The following TNFSF4 variants were observed in gnomAD, a reference collection of about 807,000 sequenced individuals.
TNFSF4 encodes the protein TNF superfamily member 4.
TNFSF4 carries 4 observed loss-of-function variants against 7.3 expected under a neutral mutation model. That is an observed-to-expected ratio of 0.55 (90% CI 0.27 to 1.25). The LOEUF (loss-of-function observed/expected upper bound fraction) is 1.25, where lower values mean the gene tolerates loss of function less well. Among genes scored for constraint, TNFSF4 ranks in the 50% most tolerant of loss-of-function variants. The pLI is 0.12. For synonymous variants in TNFSF4, 76 were observed against 83.7 expected (o/e 0.91, Z 0.50); for missense variants, 181 against 208.8 (o/e 0.87, Z 0.82).
the TNFSF4 span, among the ~76,000 whole-genome samples, chr1:173,307,503 G>C: frequency 6.6e-6 from 1 of 151,704 alleles, no homozygotes; most frequent in Non-Finnish European, 1.5e-5. Flanking sequence ...AATGGATTCT[G>C]GCTTTGGAAA....
At chr1:173,399,748 C>T in the TNFSF4 span, among the ~76,000 whole-genome samples, 5 of 152,200 alleles carry the variant, frequency 3.3e-5, no homozygotes, top group African/African-American at 4.8e-5. Flanking sequence ...CCCCAACCAC[C>T]CCTGTCATCA....
rs935866312 is a variant in TNFSF4, at chr1:173,186,448, C to G, written c.*68G>C. 2 of 1,336,434 alleles carry G rather than the reference C, an allele frequency of 1.5e-6. No individual in the cohort carries two copies. Among genetic ancestry groups the G allele is most frequent in the African/African-American group, 1.5e-5 (1 of 68,878 alleles). The allele number at this position is 1,336,434 out of a possible 1,614,324, so 82.8% of individuals were successfully genotyped here. A position where few individuals can be genotyped will look rare whatever the true frequency, so the allele number is the denominator to read the frequency against. ...GGCTCCTTCACTTGCAATGAAGAAT[C>G]CATGCCCTGTCCACCCCCAGCTTGG... On this transcript the variant is annotated 3_prime_UTR_variant, in exon 3 of 3. Transcript: ENST00000281834.
the TNFSF4 span, among the ~76,000 whole-genome samples, chr1:173,341,820 C>T: frequency 3.3e-5 from 5 of 152,072 alleles, no homozygotes; most frequent in African/African-American, 9.7e-5. Flanking sequence ...TTGCTCTGTG[C>T]TGCATTGCAG....
chr1:173,390,342 C>G, the TNFSF4 span, among the ~76,000 whole-genome samples: 1 of 152,144 alleles, frequency 6.6e-6, no homozygotes, highest in Admixed American at 6.5e-5. Context: ...AACCTAAGGC[C>G]TTAGAAAGCC....
the TNFSF4 span, among the ~76,000 whole-genome samples, chr1:173,417,328 T>C: frequency 2.0e-5 from 3 of 152,234 alleles, no homozygotes; most frequent in Non-Finnish European, 4.4e-5. Flanking sequence ...GTTGATGTTA[T>C]GAGGTAACAA....
the TNFSF4 span, among the ~76,000 whole-genome samples, chr1:173,353,268 T>C: frequency 6.6e-6 from 1 of 152,174 alleles, no homozygotes; most frequent in Non-Finnish European, 1.5e-5. Flanking sequence ...ATCCACGAAA[T>C]CTTCATGATT....
chr1:173,392,249 T>A, the TNFSF4 span, among the ~76,000 whole-genome samples: 1 of 152,220 alleles, frequency 6.6e-6, no homozygotes. Flanking sequence ...AGAATTAGTT[T>A]AAGTATTAAA....
At chr1:173,343,567 G>T in the TNFSF4 span, among the ~76,000 whole-genome samples, 1 of 152,184 alleles carries the variant, frequency 6.6e-6, no homozygotes. Context: ...TCAACTGATT[G>T]TTCAAGATCT....
chr1:173,242,057 T>C, the TNFSF4 span, among the ~76,000 whole-genome samples: 2 of 152,214 alleles, frequency 1.3e-5, no homozygotes, highest in African/African-American at 4.8e-5. Context: ...GCTTAGAGTT[T>C]CACAATGAGA....
chr1:173,272,675 G>A, the TNFSF4 span, among the ~76,000 whole-genome samples: 1 of 152,008 alleles, frequency 6.6e-6, no homozygotes, highest in South Asian at 2.1e-4. Context: ...ATTGTTCTTT[G>A]GCCTTCCAGA....
chr1:173,380,391 C>A, the TNFSF4 span, among the ~76,000 whole-genome samples: 10 of 152,126 alleles, frequency 6.6e-5, no homozygotes, highest in South Asian at 2.1e-4. Context: ...AAAATGCCCA[C>A]CCAGTCCAAA....
At chr1:173,316,569 G>T in the TNFSF4 span, among the ~76,000 whole-genome samples, 1 of 151,818 alleles carries the variant, frequency 6.6e-6, no homozygotes, top group African/African-American at 2.4e-5. Context: ...ATCTATCAAG[G>T]ATTTATTATA....
At chr1:173,206,958 T>C in intron 1 of TNFSF4, 66 bp downstream of exon 1, 1 of 1,513,298 alleles carries the variant, frequency 6.6e-7, no homozygotes, top group Non-Finnish European at 8.9e-7. Context: ...AAGCGACTGT[T>C]TGCAGCTGTT....
chr1:173,345,075 T>C, the TNFSF4 span, among the ~76,000 whole-genome samples: 1 of 152,218 alleles, frequency 6.6e-6, no homozygotes, highest in Non-Finnish European at 1.5e-5. Flanking sequence ...AAACATACTA[T>C]TTGAATGTAG....
chr1:173,337,294 A>C, the TNFSF4 span, among the ~76,000 whole-genome samples: 3 of 152,136 alleles, frequency 2.0e-5, no homozygotes, highest in Non-Finnish European at 4.4e-5. Flanking sequence ...CCACCAAGTT[A>C]CCATGAAATC....
chr1:173,206,270 A>C (rs1650186131), intron 1 of TNFSF4, among the ~76,000 whole-genome samples: 1 of 152,238 alleles, frequency 6.6e-6, no homozygotes, highest in Non-Finnish European at 1.5e-5. Context: ...ATGTTTGTAT[A>C]TCTGAACTAC....
the TNFSF4 span, among the ~76,000 whole-genome samples, chr1:173,276,267 C>T: frequency 6.6e-6 from 1 of 152,054 alleles, no homozygotes; most frequent in Non-Finnish European, 1.5e-5. Context: ...TTCTGTAATG[C>T]CACTGCCCAG....
chr1:173,228,294 T>C, the TNFSF4 span, among the ~76,000 whole-genome samples: 9 of 152,248 alleles, frequency 5.9e-5, no homozygotes, highest in African/African-American at 2.2e-4. Flanking sequence ...CTGCAGCCTC[T>C]GCTGGTGATA....
the TNFSF4 span, among the ~76,000 whole-genome samples, chr1:173,357,421 A>G: frequency 6.6e-6 from 1 of 152,204 alleles, no homozygotes; most frequent in Non-Finnish European, 1.5e-5. Context: ...GGCCTAGACC[A>G]ATAGCCTCAT....
Sources: gnomAD v4.1 joint callset for allele counts (sites outside exome capture counted in the v4.1 genomes callset) on GRCh38, gnomAD v4.1.1 for gene constraint, MANE v1.5 for transcripts, NCBI Gene and HGNC (gene_info 2026-07-23, HGNC 2026-07-21) for gene names.